ADAMTS17: variants seen among roughly 807,000 people sequenced by gnomAD.
The protein encoded by ADAMTS17 is A disintegrin and metalloproteinase with thrombospondin motifs 17.
A neutral mutation model predicts 141.5 loss-of-function variants in ADAMTS17; 113 were observed. That is an observed-to-expected ratio of 0.80 (90% CI 0.69 to 0.93). ADAMTS17 has a LOEUF of 0.93. ADAMTS17 is among the 40% of genes least tolerant of loss of function. The pLI is 0.00. For missense variants in ADAMTS17, 1,659 were observed against 1,517.9 expected, an observed-to-expected ratio of 1.09 and a Z score of -1.54; for synonymous variants, 768 against 630.6, an observed-to-expected ratio of 1.22 and a Z score of -3.27.
chr15:100,271,554 C>A (rs202236220), intron 4 of ADAMTS17, among the ~76,000 whole-genome samples: 21 of 35,588 alleles, frequency 5.9e-4, no homozygotes, highest in African/African-American at 2.4e-3. Context: ...AAATGTCTAC[C>A]TAAGTCCTTT....
At chr15:100,238,165 G>A (rs950063208) in intron 7 of ADAMTS17, among the ~76,000 whole-genome samples, 2 of 152,184 alleles carry the variant, frequency 1.3e-5, no homozygotes, top group Non-Finnish European at 2.9e-5. Flanking sequence ...AATGGCCCTG[G>A]CCTGCAAACG....
intron 8 of ADAMTS17, among the ~76,000 whole-genome samples, chr15:100,159,740 A>G (rs2039602039): frequency 6.6e-6 from 1 of 152,224 alleles, no homozygotes; most frequent in African/African-American, 2.4e-5. Context: ...TAAGGGTCAC[A>G]ACTCACAGAC....
chr15:100,036,288 T>C (rs1002865556), intron 18 of ADAMTS17, among the ~76,000 whole-genome samples: 7 of 152,348 alleles, frequency 4.6e-5, no homozygotes, highest in Admixed American at 2.0e-4. Flanking sequence ...GCAAATTCTC[T>C]GTCTTAGGAC....
Position 100,341,857 on chromosome 15 carries a change from G to T in ADAMTS17, c.43C>A (p.Leu15Met). Residue 15 changes from leucine (L) to methionine (M), a missense_variant, in exon 1 of 22, where the codon CTG (leucine) becomes ATG (methionine). Physicochemically the swap from Leu to Met is conservative, Grantham distance 15. Transcript: ENST00000268070. Reference sequence around the variant, plus strand: ...TCCAGTCCCCAAACCAGCAGCAGCAGCACGGGCAGGACGAGCGGAGGCAGC... The same window carrying T: ...TCCAGTCCCCAAACCAGCAGCAGCATCACGGGCAGGACGAGCGGAGGCAGC... ...ALLPPLVLPVLLLLVWGLDPG... is the reference protein window; with the variant it reads ...ALLPPLVLPVMLLLVWGLDPG... 1 of 1,553,212 alleles carries T rather than the reference G, an allele frequency of 6.4e-7. No individual in the cohort carries two copies. The highest frequency in any genetic ancestry group is 1.2e-5 in the South Asian group (1 of 84,228).
At chr15:100,111,530 T>C (rs1201507763) in intron 13 of ADAMTS17, among the ~76,000 whole-genome samples, 1 of 152,210 alleles carries the variant, frequency 6.6e-6, no homozygotes, top group Non-Finnish European at 1.5e-5. Flanking sequence ...GTGGAGCTGG[T>C]GGGAGAAATA....
intron 9 of ADAMTS17, among the ~76,000 whole-genome samples, chr15:100,154,057 G>A (rs539086333): frequency 2.0e-4 from 31 of 152,106 alleles, no homozygotes; most frequent in African/African-American, 6.0e-4. Flanking sequence ...GGCACGTGCC[G>A]GTAATCCCAG....
At chr15:100,130,414 C>A (rs112246821) in intron 12 of ADAMTS17, among the ~76,000 whole-genome samples, 2 of 152,178 alleles carry the variant, frequency 1.3e-5, no homozygotes, top group African/African-American at 4.8e-5. Flanking sequence ...CTATGTGCCC[C>A]GCACTCTGCT....
intron 12 of ADAMTS17, among the ~76,000 whole-genome samples, chr15:100,122,528 G>A (rs914590852): frequency 1.3e-5 from 2 of 152,142 alleles, no homozygotes; most frequent in African/African-American, 4.8e-5. Flanking sequence ...TGAACAATGT[G>A]GGGGTTAGAA....
intron 3 of ADAMTS17, among the ~76,000 whole-genome samples, chr15:100,296,643 GA>G (rs1567504017): frequency 1.3e-5 from 2 of 151,914 alleles, no homozygotes; most frequent in Non-Finnish European, 2.9e-5. Flanking sequence ...GTGCATTTAC[GA>G]TATATGATTA....
At chr15:100,254,907 T>C (rs1157833244) in intron 6 of ADAMTS17, among the ~76,000 whole-genome samples, 4 of 152,126 alleles carry the variant, frequency 2.6e-5, no homozygotes, top group African/African-American at 9.7e-5. Flanking sequence ...CTGGGCTTAA[T>C]ACCTAGGTGA....
intron 7 of ADAMTS17, among the ~76,000 whole-genome samples, chr15:100,220,239 A>G (rs1464904793): frequency 6.6e-6 from 1 of 152,148 alleles, no homozygotes; most frequent in African/African-American, 2.4e-5. Context: ...TAACCCTCGA[A>G]AAGTGGGAAA....
intron 10 of ADAMTS17, 68 bp from the exon 11 acceptor site, chr15:100,133,383 G>T: frequency 6.8e-7 from 1 of 1,470,780 alleles, no homozygotes. Flanking sequence ...GCTGGGGTCA[G>T]AGGTGTGGCC....
At chr15:100,216,738 C>T (rs1217212006) in intron 7 of ADAMTS17, among the ~76,000 whole-genome samples, 2 of 152,196 alleles carry the variant, frequency 1.3e-5, no homozygotes, top group Non-Finnish European at 2.9e-5. Context: ...TTGGTTAGGT[C>T]CTGACGTTCC....
At chr15:100,179,348 T>C (rs1181888732) in intron 8 of ADAMTS17, among the ~76,000 whole-genome samples, 1 of 152,182 alleles carries the variant, frequency 6.6e-6, no homozygotes, top group Non-Finnish European at 1.5e-5. Context: ...CCTGGCTTAT[T>C]ATGACCTCCA....
At chr15:99,978,609 A>G (rs1348041547) in intron 20 of ADAMTS17, 2 of 152,228 alleles carry the variant, frequency 1.3e-5, no homozygotes, top group African/African-American at 2.4e-5. Flanking sequence ...CATCAGGCGC[A>G]TGGAAGTTTG....
In ADAMTS17 at chr15:99,997,053, C is replaced by A. The variant is rs1189359135; in HGVS notation, c.2796+332G>T. ...CAAACCTTTGAAACCACCTTCCCAG[C>A]CTGAGCACACCACAGTTAAATACAC... On this transcript the variant is annotated intron_variant, in intron 19 of 21. Coordinates refer to ENST00000268070, the MANE Select transcript of ADAMTS17 (RefSeq NM_139057.4). This position sits in a 1 kb window ranked among gnomAD's most constrained non-coding sequence, Gnocchi z 4.7. 6.6e-6 allele frequency among the ~76,000 whole-genome samples: 1 copy of A among 152,182 alleles called. No homozygotes were observed. The highest frequency in any genetic ancestry group is 1.9e-4 in the East Asian group (1 of 5,198).
In ADAMTS17 at chr15:99,972,624, G is replaced by C. The variant is rs1202129923; in HGVS notation, c.*1778C>G. ...GCCAGGCCTGAAGGGGAGGACAGCA[G>C]TCTGCGCAGGCCGCGGGGCGAGGGT... On this transcript the variant is annotated 3_prime_UTR_variant, in exon 22 of 22. Coordinates refer to ENST00000268070, the MANE Select transcript of ADAMTS17 (RefSeq NM_139057.4). 6.6e-6 allele frequency: 1 copy of C among 152,236 alleles called. No individual in the cohort carries two copies. Among genetic ancestry groups the C allele is most frequent in the Admixed American group, 6.5e-5 (1 of 15,290 alleles). The allele number at this position is 152,236 out of a possible 1,614,324, so 9.4% of individuals were successfully genotyped here.
chr15:100,116,918 T>A lies in ADAMTS17; in HGVS notation c.1817A>T (p.Asp606Val), dbSNP rs1462156827. 3.1e-6 allele frequency: 5 copies of A among 1,614,130 alleles called. No homozygotes were observed. In the South Asian group the frequency reaches 5.5e-5, roughly 18 times the overall value. The change falls in exon 13 of 22, where the codon GAC (aspartate) becomes GTC (valine). Residue 606 changes from aspartate to valine, a missense_variant. Coordinates refer to ENST00000268070, the MANE Select transcript of ADAMTS17 (RefSeq NM_139057.4). ...PCPKGLPSFR[D>V]QQCQAHDRLS... Reference sequence around the variant, plus strand: ...CCGGTCGTGTGCCTGGCACTGCTGGTCCCGGAAGCTGGGCAGACCCTTGGG... The same window carrying A: ...CCGGTCGTGTGCCTGGCACTGCTGGACCCGGAAGCTGGGCAGACCCTTGGG...
Position 99,987,420 on chromosome 15 carries a change from G to A in ADAMTS17, c.2949+5628C>T, listed in dbSNP as rs2060612212. Among the ~76,000 whole-genome samples, 3 of 152,192 alleles carry A rather than the reference G, an allele frequency of 2.0e-5. No individual in the cohort carries two copies. The South Asian group carries it at 6.2e-4, about 32-fold the overall frequency. On this transcript the variant is annotated intron_variant, in intron 20 of 21. Coordinates refer to ENST00000268070, the MANE Select transcript of ADAMTS17 (RefSeq NM_139057.4). ...ACAACTACAGTGATACACGGATAGT[G>A]TTCAGCCTTCTCTCTGCTTTCCTTT...
Sources: gnomAD v4.1 joint callset for allele counts (sites outside exome capture counted in the v4.1 genomes callset) on GRCh38, gnomAD v4.1.1 for gene constraint, Gnocchi (gnomAD v3.1) non-coding constraint, MANE v1.5 for transcripts, NCBI Gene and HGNC (gene_info 2026-07-23, HGNC 2026-07-21) for gene names.